FAP: variants seen among roughly 807,000 people sequenced by gnomAD.
FAP encodes the protein fibroblast activation protein alpha, also known as prolyl endopeptidase FAP.
Under a neutral mutation model 126.5 loss-of-function variants are expected in FAP, and 110 were observed. That is an observed-to-expected ratio of 0.87 (90% CI 0.74 to 1.02). The LOEUF (loss-of-function observed/expected upper bound fraction) is 1.02. Among genes scored for constraint, FAP ranks in the 50% least tolerant of loss-of-function variants. The probability of loss-of-function intolerance (pLI) is 0.00; values close to 1 mark genes in which losing one functional copy is unlikely to be tolerated. For synonymous variants in FAP, 334 were observed against 297.3 expected (o/e 1.12, Z -1.27); for missense variants, 919 against 909.2 (o/e 1.01, Z -0.14).
intron 2 of FAP, among the ~76,000 whole-genome samples, chr2:162,240,010 G>A (rs1690284159): frequency 6.6e-6 from 1 of 152,144 alleles, no homozygotes; most frequent in African/African-American, 2.4e-5. Flanking sequence ...ACAAAAATAA[G>A]GGGAAGTCAA....
chr2:162,172,604 TG>T, intron 25 of FAP: 1 of 517,840 alleles, frequency 1.9e-6, no homozygotes, highest in Non-Finnish European at 3.5e-6. Context: ...ATGACTCAAC[TG>T]GGAACACGAG....
Position 162,219,242 on chromosome 2 carries a change from T to C in FAP, c.487-59A>G. The C allele has an allele frequency of 2.0e-6, 3 of 1,513,892 alleles. No homozygotes were observed. In the South Asian group the frequency reaches 3.6e-5, roughly 18 times the overall value. 93.8% of individuals were successfully genotyped at this position (1,513,892 alleles called of 1,614,324 possible). ...AATTAAATGAAGGCTGTATATTTGT[T>C]TTAATTATTCCTCTAATACCTTTAA... On this transcript the variant is annotated intron_variant, in intron 7 of 25. Coordinates refer to ENST00000188790, the MANE Select transcript of FAP (RefSeq NM_004460.5).
At position 162,215,933 on chromosome 2, in the gene FAP, G is replaced by A. The variant is rs369733945; in HGVS notation, c.831C>T (p.Pro277=). ...IDTTYPAYVG[P]QEVPVPAMIA... ...TCATTGCTGGAACAGGCACTTCCTGGGGACCTACATACGCAGGGTAAGTGG... is the reference window on the plus strand; with the variant it reads ...TCATTGCTGGAACAGGCACTTCCTGAGGACCTACATACGCAGGGTAAGTGG... Residue 277 remains proline, a synonymous_variant, in exon 10 of 26, where the codon CCC becomes CCT. Coordinates refer to ENST00000188790, the MANE Select transcript of FAP (RefSeq NM_004460.5). 1 of 1,614,000 alleles carries A rather than the reference G, an allele frequency of 6.2e-7. No individual in the cohort carries two copies. Among genetic ancestry groups the A allele is most frequent in the Non-Finnish European group, 8.5e-7 (1 of 1,179,940 alleles).
At chr2:162,208,182 G>A (rs1301322243) in intron 12 of FAP, among the ~76,000 whole-genome samples, 1 of 151,442 alleles carries the variant, frequency 6.6e-6, no homozygotes, top group Non-Finnish European at 1.5e-5. Context: ...CTTGAACCCG[G>A]GAGGCGGAGC....
intron 2 of FAP, among the ~76,000 whole-genome samples, chr2:162,241,744 A>G (rs992873629): frequency 1.7e-4 from 26 of 152,304 alleles, no homozygotes; most frequent in Non-Finnish European, 2.6e-4. Flanking sequence ...ATGAAAATTT[A>G]TGAAAGATAT....
Position 162,209,621 on chromosome 2 carries a change from T to G in FAP, c.1047+331A>C, listed in dbSNP as rs1280247811. ...TGGCTAGTAATTATTAAGATGATTT[T>G]AACAGATCAGGGATTTTGTCTCCTT... On this transcript the variant is annotated intron_variant, in intron 12 of 25. Transcript: ENST00000188790. 5 of 202,804 alleles carry G rather than the reference T, an allele frequency of 2.5e-5. 1 individual carries two copies. Among genetic ancestry groups the G allele is most frequent in the African/African-American group, 1.2e-4 (5 of 43,196 alleles). 12.6% of individuals were successfully genotyped at this position (202,804 alleles called of 1,614,324 possible).
Position 162,214,031 on chromosome 2 carries a change from T to C in FAP, c.909A>G (p.Arg303=). Residue 303 remains arginine, a synonymous_variant, in exon 11 of 26, where the codon CGA becomes CGG. Coordinates refer to ENST00000188790, the MANE Select transcript of FAP (RefSeq NM_004460.5). ...CTCTTTTTAGCCACTGCAAACATACTCGTTCATCAGTAACCCACGTGAGCC... is the reference window on the plus strand; with the variant it reads ...CTCTTTTTAGCCACTGCAAACATACCCGTTCATCAGTAACCCACGTGAGCC... The part of the protein sequence containing the change: ...FSWLTWVTDE[R]VCLQWLKRVQ... 2 of 1,614,100 alleles carry C rather than the reference T, an allele frequency of 1.2e-6. No individual in the cohort carries two copies. Among genetic ancestry groups the C allele is most frequent in the Non-Finnish European group, 1.7e-6 (2 of 1,179,978 alleles).
chr2:162,214,355 A>G (rs1027388300), intron 10 of FAP, among the ~76,000 whole-genome samples: 1 of 152,094 alleles, frequency 6.6e-6, no homozygotes, highest in Non-Finnish European at 1.5e-5. Flanking sequence ...TTAAAACATA[A>G]TGTCAAAGCT....
At chr2:162,194,627 G>T in intron 17 of FAP, 74 bp downstream of exon 17, 1 of 1,362,742 alleles carries the variant, frequency 7.3e-7, no homozygotes, top group Non-Finnish European at 1.0e-6. Context: ...AAACTGTCCT[G>T]CTTTCTCTAG....
chr2:162,205,452 AC>A (rs1363905939), intron 12 of FAP, among the ~76,000 whole-genome samples: 1 of 152,084 alleles, frequency 6.6e-6, no homozygotes, highest in African/African-American at 2.4e-5. Context: ...ATGAAGTTTC[AC>A]CCTCTTAGCT....
At chr2:162,173,811 A>AT (rs1468390522) in intron 22 of FAP, 24 bp from the exon 23 acceptor site, 1 of 1,445,184 alleles carries the variant, frequency 6.9e-7, no homozygotes, top group Admixed American at 1.7e-5. Flanking sequence ...GAGAATATGC[A>AT]TTGTTTGCAT....
intron 22 of FAP, among the ~76,000 whole-genome samples, chr2:162,174,003 T>A (rs547903795): frequency 4.6e-5 from 7 of 152,288 alleles, no homozygotes; most frequent in African/African-American, 1.7e-4. Context: ...AAGGAAGAGA[T>A]TATGGAAACA....
chr2:162,226,589 G>A lies in FAP; in HGVS notation c.124C>T (p.Leu42Phe). 1.3e-6 allele frequency: 2 copies of A among 1,595,892 alleles called. No individual in the cohort carries two copies. The highest frequency in any genetic ancestry group is 1.7e-6 in the Non-Finnish European group (2 of 1,170,032). ...CCATTTAAAATATCCTTCAGTGTGA[G>A]TGCTCTCATTGTATTTTCTTCAGAG... ...HNSEENTMRA[L>F]TLKDILNGTF... Residue 42 changes from leucine to phenylalanine, a missense_variant, in exon 3 of 26, where the codon CTC becomes TTC. Leu to Phe is a conservative substitution (Grantham distance 22, BLOSUM62 0). Coordinates refer to ENST00000188790, the MANE Select transcript of FAP (RefSeq NM_004460.5).
chr2:162,229,908 TGCCATA>T (rs1369307342), intron 2 of FAP, among the ~76,000 whole-genome samples: 2 of 152,166 alleles, frequency 1.3e-5, no homozygotes, highest in African/African-American at 4.8e-5. Flanking sequence ...TACTACTAAT[TGCCATA>T]ATGAAAATAA....
intron 9 of FAP, among the ~76,000 whole-genome samples, chr2:162,217,399 C>T (rs1689195405): frequency 6.6e-6 from 1 of 152,178 alleles, no homozygotes; most frequent in Non-Finnish European, 1.5e-5. Context: ...TCTCCTACTG[C>T]ACACTCAGGT....
intron 5 of FAP, 51 bp from the exon 6 acceptor site, chr2:162,223,711 A>T: frequency 8.6e-7 from 1 of 1,163,886 alleles, no homozygotes; most frequent in Non-Finnish European, 1.3e-6. Context: ...TAAAAAGCTT[A>T]TATCAATAAT....
intron 12 of FAP, among the ~76,000 whole-genome samples, chr2:162,208,171 G>A (rs970992562): frequency 6.6e-6 from 1 of 151,264 alleles, no homozygotes; most frequent in Non-Finnish European, 1.5e-5. Context: ...CAGGAGAATC[G>A]CTTGAACCCG....
chr2:162,203,815 C>T (rs1021751118), intron 12 of FAP, among the ~76,000 whole-genome samples: 2 of 152,172 alleles, frequency 1.3e-5, no homozygotes, highest in African/African-American at 4.8e-5. Context: ...ACGCTAGGCT[C>T]TTTAGTGTGC....
intron 14 of FAP, among the ~76,000 whole-genome samples, chr2:162,201,744 C>T (rs1345396729): frequency 6.6e-6 from 1 of 152,162 alleles, no homozygotes. Flanking sequence ...GTGTCAGGCG[C>T]TGTGCTAAGT....
Sources: gnomAD v4.1 joint callset for allele counts (sites outside exome capture counted in the v4.1 genomes callset) on GRCh38, gnomAD v4.1.1 for gene constraint, MANE v1.5 for transcripts, NCBI Gene and HGNC (gene_info 2026-07-23, HGNC 2026-07-21) for gene names.